CCDC14: variants seen among roughly 807,000 people sequenced by gnomAD.
CCDC14 encodes the protein coiled-coil domain-containing protein 14.
Under a neutral mutation model 81.4 loss-of-function variants are expected in CCDC14, and 71 were observed. The observed-to-expected ratio is 0.87, with a 90% confidence interval of 0.72 to 1.06. The LOEUF is 1.06. Ranked by LOEUF, CCDC14 falls within the 50% of genes least tolerant of loss-of-function variation. The probability of loss-of-function intolerance (pLI) is 0.00; values close to 1 mark genes in which losing one functional copy is unlikely to be tolerated. For missense variants in CCDC14, 1,046 were observed against 1,047.3 expected, an observed-to-expected ratio of 1.00 and a Z score of 0.02; for synonymous variants, 332 against 364.8, an observed-to-expected ratio of 0.91 and a Z score of 1.03.
the CCDC14 span, among the ~76,000 whole-genome samples, chr3:123,889,306 G>A: frequency 4.3e-3 from 658 of 152,218 alleles, 5 homozygotes; most frequent in African/African-American, 0.015. Flanking sequence ...CCAGCTACTT[G>A]GAGGCTGAGG....
chr3:123,923,183 A>G (rs139188931), intron 12 of CCDC14, among the ~76,000 whole-genome samples: 9 of 152,224 alleles, frequency 5.9e-5, no homozygotes, highest in African/African-American at 1.9e-4. Context: ...TTAAAACTAT[A>G]TGATCATCGC....
chr3:123,917,451 C>T (rs1391603731), intron 12 of CCDC14, among the ~76,000 whole-genome samples: 10 of 150,956 alleles, frequency 6.6e-5, no homozygotes, highest in Non-Finnish European at 1.5e-4. Flanking sequence ...GCCAAGATCA[C>T]TCCACCGCAC....
chr3:123,943,996 C>A (rs1272426819), intron 9 of CCDC14, among the ~76,000 whole-genome samples: 1 of 152,148 alleles, frequency 6.6e-6, no homozygotes, highest in African/African-American at 2.4e-5. Context: ...GCCAATCAGT[C>A]AGAAACACAG....
intron 12 of CCDC14, among the ~76,000 whole-genome samples, chr3:123,921,374 G>C (rs1259236862): frequency 6.6e-6 from 1 of 151,916 alleles, no homozygotes; most frequent in Admixed American, 6.6e-5. Flanking sequence ...AGAAAGCAGG[G>C]GTAGCTATAC....
Position 123,949,016 on chromosome 3 carries a change from TGGG to T in CCDC14, c.466_468del (p.Pro156del), listed in dbSNP as rs754841090. On this transcript the variant is annotated inframe_deletion, in exon 6 of 13. Transcript: ENST00000409697. The stretch of plus-strand genomic sequence containing the variant: ...TGCTCACAGAGGGCTTGGTATATTA[TGGG>T]TGAATACATTCTATAATGATCTTGC... The T allele has an allele frequency of 1.2e-6, 2 of 1,613,894 alleles. No homozygotes were observed. The highest frequency in any genetic ancestry group is 2.2e-5 in the South Asian group (2 of 91,042).
chr3:123,947,360 T>C (rs756457954), intron 7 of CCDC14, 41 bp from the exon 8 acceptor site: 1 of 1,457,014 alleles, frequency 6.9e-7, no homozygotes, highest in Non-Finnish European at 9.3e-7. Context: ...GTATGAGCAC[T>C]CATTTGTAGG....
At chr3:123,933,129 C>CAAACAAAAAAAA in intron 10 of CCDC14, among the ~76,000 whole-genome samples, 1 of 150,732 alleles carries the variant, frequency 6.6e-6, no homozygotes, top group African/African-American at 2.4e-5. Context: ...AACAAACAAA[C>CAAACAAAAAAAA]AAAGCTGACA....
intron 5 of CCDC14, chr3:123,952,708 T>C (rs1236191420): frequency 4.5e-6 from 2 of 440,820 alleles, no homozygotes; most frequent in South Asian, 1.7e-5. Flanking sequence ...AATAGCAAGA[T>C]AATGTGTGTT....
At chr3:123,908,529 A>G (rs2034370440), downstream of CCDC14, among the ~76,000 whole-genome samples, 1 of 152,180 alleles carries the variant, frequency 6.6e-6, no homozygotes, top group African/African-American at 2.4e-5. Flanking sequence ...ACCAACTTAA[A>G]ATATCATTGC....
rs2034527395 is a variant in CCDC14, at chr3:123,914,149, T to C, written c.*630A>G. On this transcript the variant is annotated 3_prime_UTR_variant, in exon 13 of 13. Transcript: ENST00000409697. ...ACTATTCTTTAAAGGCCTTAAAACA[T>C]GAATTTGGGATAAAAACAAATAAAA... 2.0e-6 allele frequency: 2 copies of C among 985,462 alleles called. No homozygotes were observed. Among genetic ancestry groups the C allele is most frequent in the Non-Finnish European group, 2.4e-6 (2 of 829,690 alleles). 61.0% of individuals were successfully genotyped at this position (985,462 alleles called of 1,614,324 possible). A position where few individuals can be genotyped will look rare whatever the true frequency, so the allele number is the denominator to read the frequency against.
Position 123,915,262 on chromosome 3 carries a change from A to C in CCDC14, c.2235T>G (p.Leu745=). The C allele has an allele frequency of 1.2e-6, 2 of 1,613,926 alleles. No individual in the cohort carries two copies. The highest frequency in any genetic ancestry group is 1.7e-6 in the Non-Finnish European group (2 of 1,179,892). Residue 745 remains leucine (L), a synonymous_variant, in exon 13 of 13, where the codon CTT becomes CTG. Transcript: ENST00000409697. ...GTGGCTGAGGGGATAGTCTCTTAGA[A>C]AGTGGTGATTTCTTTTCAGGAGTGC... is the stretch of plus-strand genomic sequence containing the variant. ...ARSTPEKKSP[L]SKRLSPQPQI...
chr3:123,953,441 G>A (rs2037149099), intron 5 of CCDC14: 2 of 152,214 alleles, frequency 1.3e-5, no homozygotes. Context: ...ACCCCAATGG[G>A]AACTAGGGTG....
At chr3:123,902,145 C>G (rs1202389537) in intron 5 of CCDC14, among the ~76,000 whole-genome samples, 1 of 152,108 alleles carries the variant, frequency 6.6e-6, no homozygotes, top group Non-Finnish European at 1.5e-5. Context: ...TTAAAGGATG[C>G]TAAGGAACCA....
At chr3:123,910,020 G>A (rs1269378578), downstream of CCDC14, among the ~76,000 whole-genome samples, 1 of 152,110 alleles carries the variant, frequency 6.6e-6, no homozygotes, top group Non-Finnish European at 1.5e-5. Context: ...CTGGCTTCAA[G>A]GAGAACAAGC....
chr3:123,894,956 G>A (rs1379368099), downstream of CCDC14, among the ~76,000 whole-genome samples: 1 of 152,134 alleles, frequency 6.6e-6, no homozygotes, highest in Non-Finnish European at 1.5e-5. Flanking sequence ...GAGACAAAGA[G>A]GATCTGCACA....
chr3:123,953,882 A>G (rs2037180288), intron 5 of CCDC14: 1 of 152,162 alleles, frequency 6.6e-6, no homozygotes, highest in African/African-American at 2.4e-5. Flanking sequence ...TGCTAGCACT[A>G]GGCTCGCATG....
At chr3:123,942,770 G>T (rs1424875295) in intron 9 of CCDC14, among the ~76,000 whole-genome samples, 1 of 151,890 alleles carries the variant, frequency 6.6e-6, no homozygotes, top group Non-Finnish European at 1.5e-5. Context: ...CTGAAGTGTT[G>T]GCCTTGATGG....
intron 5 of CCDC14, among the ~76,000 whole-genome samples, chr3:123,907,578 C>T (rs1039584281): frequency 2.0e-5 from 3 of 151,644 alleles, no homozygotes; most frequent in East Asian, 1.9e-4. Context: ...ATTAGGTGGG[C>T]GTGGTTGTAC....
At chr3:123,901,420 G>C (rs559997808) in intron 5 of CCDC14, among the ~76,000 whole-genome samples, 2 of 151,788 alleles carry the variant, frequency 1.3e-5, no homozygotes, top group South Asian at 4.2e-4. Flanking sequence ...TTACAGAGTG[G>C]TAGTTCAATG....
Sources: allele counts gnomAD v4.1 joint callset (sites outside exome capture counted in the v4.1 genomes callset), GRCh38; gene constraint gnomAD v4.1.1; transcripts MANE v1.5; gene names NCBI Gene and HGNC (gene_info 2026-07-23, HGNC 2026-07-21).